CSGALNACT1: variants seen among roughly 807,000 people sequenced by gnomAD.
CSGALNACT1 encodes chondroitin sulfate N-acetylgalactosaminyltransferase 1.
CSGALNACT1 carries 52 observed loss-of-function variants against 51.0 expected under a neutral mutation model. The observed-to-expected ratio is 1.02, with a 90% CI of 0.82 to 1.29. CSGALNACT1 has a LOEUF of 1.29. CSGALNACT1 is among the 50% of genes most tolerant of loss of function. The pLI, the probability that CSGALNACT1 is intolerant of heterozygous loss-of-function variation, is 0.00. For synonymous variants in CSGALNACT1, 341 were observed against 254.4 expected (o/e 1.34, Z -3.24); for missense variants, 935 against 679.2 (o/e 1.38, Z -4.19).
At chr8:19,500,716 G>T (rs536490992) in intron 4 of CSGALNACT1, among the ~76,000 whole-genome samples, 6 of 152,338 alleles carry the variant, frequency 3.9e-5, no homozygotes, top group Middle Eastern at 3.4e-3. Context: ...ACCTGCTAAT[G>T]TGTGTTTATA....
exon 2 of CSGALNACT1, chr8:19,601,858 G>A (rs145053554): frequency 1.0e-3 from 475 of 453,954 alleles, no homozygotes; most frequent in Non-Finnish European, 1.7e-3. Context: ...CTTGAAATAG[G>A]AAGGCAGCTA....
chr8:19,600,780 C>T (rs1349859795), intron 2 of CSGALNACT1, among the ~76,000 whole-genome samples: 1 of 150,980 alleles, frequency 6.6e-6, no homozygotes, highest in Admixed American at 6.6e-5. Flanking sequence ...AAATCATTAA[C>T]TACTCTGGCT....
chr8:19,669,487 T>G (rs549164425), intron 1 of CSGALNACT1, among the ~76,000 whole-genome samples: 1 of 152,360 alleles, frequency 6.6e-6, no homozygotes, highest in Admixed American at 6.5e-5. Flanking sequence ...AGTCTCCCTC[T>G]GTCACCCAGG....
chr8:19,638,294 C>A (rs2056347781), intron 1 of CSGALNACT1, among the ~76,000 whole-genome samples: 1 of 152,094 alleles, frequency 6.6e-6, no homozygotes, highest in Non-Finnish European at 1.5e-5. Flanking sequence ...GTCTGCTGCT[C>A]CAAAAAGCAG....
chr8:19,466,117 T>C (rs2066611627), intron 4 of CSGALNACT1, among the ~76,000 whole-genome samples: 2 of 152,212 alleles, frequency 1.3e-5, no homozygotes, highest in African/African-American at 4.8e-5. Flanking sequence ...AAAGGGTAAA[T>C]TTTGAAAGGG....
chr8:19,700,223 G>C lies in CSGALNACT1; in HGVS notation c.-297+57627C>G, dbSNP rs367871361. Among the ~76,000 whole-genome samples the C allele has an allele frequency of 7.9e-5, 12 of 150,984 alleles. No homozygotes were observed. In the East Asian group the frequency reaches 2.3e-3, roughly 29 times the overall value. ...GGTTTTTTTTTTAGTAATATAAATT[G>C]TTTACTGCAGACCTGGGCCTAGAAA... On this transcript the variant is annotated intron_variant, in intron 1 of 1. Coordinates refer to the CSGALNACT1 transcript ENST00000517494.
In CSGALNACT1 at chr8:19,692,461, C is replaced by T. The variant is rs78748865; in HGVS notation, c.-297+65389G>A. Among the ~76,000 whole-genome samples the T allele has an allele frequency of 3.6e-3, 542 of 152,226 alleles. 3 individuals carry two copies. The highest frequency in any genetic ancestry group is 0.013 in the African/African-American group (528 of 41,516). On this transcript the variant is annotated intron_variant, in intron 1 of 1. Coordinates refer to the CSGALNACT1 transcript ENST00000517494. Reference sequence around the variant, plus strand: ...TTCTACCTGGTGTGTTCAATGTCTACGCTCATGGTAAGGGAGATAGATGGT... The same window carrying T: ...TTCTACCTGGTGTGTTCAATGTCTATGCTCATGGTAAGGGAGATAGATGGT...
chr8:19,482,986 T>C (rs1032500112), intron 4 of CSGALNACT1, among the ~76,000 whole-genome samples: 7 of 152,060 alleles, frequency 4.6e-5, no homozygotes, highest in African/African-American at 1.7e-4. Flanking sequence ...CCTTCACACC[T>C]CCCTCTCCAT....
intron 1 of CSGALNACT1, among the ~76,000 whole-genome samples, chr8:19,734,423 G>A (rs1589752373): frequency 6.6e-6 from 1 of 152,262 alleles, no homozygotes; most frequent in Middle Eastern, 3.4e-3. Flanking sequence ...ACCCAAATAA[G>A]ACAAATGCCC....
chr8:19,471,025 G>A (rs563651837), intron 4 of CSGALNACT1, among the ~76,000 whole-genome samples: 167 of 152,164 alleles, frequency 1.1e-3, no homozygotes, highest in Non-Finnish European at 9.8e-4. Context: ...GAACCTGGGA[G>A]GTGGAGGTTT....
chr8:19,673,120 C>T (rs1020265246), intron 1 of CSGALNACT1, among the ~76,000 whole-genome samples: 1 of 152,220 alleles, frequency 6.6e-6, no homozygotes, highest in African/African-American at 2.4e-5. Context: ...GCAGTGAGAA[C>T]ACACACCCGC....
intron 2 of CSGALNACT1, among the ~76,000 whole-genome samples, chr8:19,592,244 A>G (rs767769712): frequency 6.6e-6 from 1 of 152,236 alleles, no homozygotes; most frequent in Non-Finnish European, 1.5e-5. Context: ...AACCCAGTAC[A>G]TTAGGCAAAT....
chr8:19,617,913 T>A (rs1420070297), intron 1 of CSGALNACT1, among the ~76,000 whole-genome samples: 1 of 152,136 alleles, frequency 6.6e-6, no homozygotes, highest in Non-Finnish European at 1.5e-5. Flanking sequence ...AGATTCTCTC[T>A]CCATCACCCA....
At chr8:19,408,093 G>T (rs1211353462) in intron 9 of CSGALNACT1, among the ~76,000 whole-genome samples, 2 of 152,142 alleles carry the variant, frequency 1.3e-5, no homozygotes, top group Non-Finnish European at 2.9e-5. Context: ...GGAGGCTTAG[G>T]ATGTTCTACA....
chr8:19,656,181 C>T (rs994890352), intron 1 of CSGALNACT1, among the ~76,000 whole-genome samples: 1 of 152,168 alleles, frequency 6.6e-6, no homozygotes, highest in African/African-American at 2.4e-5. Context: ...ATAGGATTGC[C>T]TTTTGCTAAT....
chr8:19,540,935 A>G (rs2084955513), intron 3 of CSGALNACT1, among the ~76,000 whole-genome samples: 1 of 152,162 alleles, frequency 6.6e-6, no homozygotes, highest in Non-Finnish European at 1.5e-5. Context: ...TATAGCTGCC[A>G]GTTCTCTCAA....
At chr8:19,488,934 T>C (rs888282865) in intron 4 of CSGALNACT1, among the ~76,000 whole-genome samples, 1 of 152,178 alleles carries the variant, frequency 6.6e-6, no homozygotes, top group Non-Finnish European at 1.5e-5. Context: ...GTTTTCATTT[T>C]ATATAAACTC....
chr8:19,431,230 T>C (rs1398243889), intron 6 of CSGALNACT1, among the ~76,000 whole-genome samples: 1 of 152,146 alleles, frequency 6.6e-6, no homozygotes, highest in South Asian at 2.1e-4. Flanking sequence ...GCAGACACCT[T>C]TGTCTTGTTC....
chr8:19,405,979 G>T, exon 10 of CSGALNACT1: 1 of 1,614,122 alleles, frequency 6.2e-7, no homozygotes, highest in Non-Finnish European at 8.5e-7. Context: ...TCGCACAGGC[G>T]TCCGTACCAC....
Sources: gnomAD v4.1 joint callset for allele counts (sites outside exome capture counted in the v4.1 genomes callset) on GRCh38, gnomAD v4.1.1 for gene constraint, MANE v1.5 for transcripts, NCBI Gene and HGNC (gene_info 2026-07-23, HGNC 2026-07-21) for gene names.